The following PDE11A variants were observed in gnomAD, a reference collection of about 807,000 sequenced individuals.
PDE11A encodes phosphodiesterase 11A.
A neutral mutation model predicts 100.5 loss-of-function variants in PDE11A; 100 were observed. The observed-to-expected ratio is 1.00, with a 90% CI of 0.85 to 1.18. PDE11A has a LOEUF of 1.18. PDE11A is among the 50% of genes most tolerant of loss of function. PDE11A has a pLI of 0.00. For synonymous variants in PDE11A, 381 were observed against 420.8 expected (o/e 0.91, Z 1.16); for missense variants, 1,141 against 1,152.6 (o/e 0.99, Z 0.15).
chr2:177,763,685 G>C (rs2082200410), intron 10 of PDE11A, among the ~76,000 whole-genome samples: 1 of 152,192 alleles, frequency 6.6e-6, no homozygotes, highest in African/African-American at 2.4e-5. Context: ...GGCGTTCTCT[G>C]TGTCGCCTGA....
At chr2:177,727,401 C>A (rs1419515650) in intron 12 of PDE11A, among the ~76,000 whole-genome samples, 1 of 152,070 alleles carries the variant, frequency 6.6e-6, no homozygotes, top group Admixed American at 6.6e-5. Context: ...TGTAAAAGAA[C>A]AAGTTTACCA....
At chr2:177,639,721 C>G (rs2080110775) in intron 19 of PDE11A, among the ~76,000 whole-genome samples, 1 of 152,204 alleles carries the variant, frequency 6.6e-6, no homozygotes, top group Non-Finnish European at 1.5e-5. Flanking sequence ...CATCTGTTAT[C>G]ATCTGGCTCA....
intron 4 of PDE11A, among the ~76,000 whole-genome samples, chr2:177,890,711 T>TA (rs1466887342): frequency 1.3e-5 from 2 of 152,170 alleles, no homozygotes; most frequent in Non-Finnish European, 2.9e-5. Context: ...GTTCTCTTGC[T>TA]AAGAGGTTGA....
intron 19 of PDE11A, among the ~76,000 whole-genome samples, chr2:177,649,564 G>A (rs942520067): frequency 6.6e-6 from 1 of 152,250 alleles, no homozygotes; most frequent in South Asian, 2.1e-4. Context: ...AGATACATAT[G>A]CACTTACACA....
At chr2:177,804,872 T>C (rs780134938) in intron 9 of PDE11A, among the ~76,000 whole-genome samples, 8 of 151,858 alleles carry the variant, frequency 5.3e-5, no homozygotes, top group Non-Finnish European at 7.4e-5. Flanking sequence ...AAGTTGGAGC[T>C]AAAGAATGGG....
intron 2 of PDE11A, among the ~76,000 whole-genome samples, chr2:177,989,241 T>C (rs1326403294): frequency 6.6e-6 from 1 of 152,194 alleles, no homozygotes; most frequent in Non-Finnish European, 1.5e-5. Context: ...TCAAGAAAGA[T>C]AAGCAATTCA....
chr2:177,766,375 C>T (rs2082238844), intron 10 of PDE11A, among the ~76,000 whole-genome samples: 2 of 152,172 alleles, frequency 1.3e-5, no homozygotes. Context: ...GGCCTGGTAC[C>T]AGTCCATGGG....
intron 2 of PDE11A, among the ~76,000 whole-genome samples, chr2:177,946,790 G>T (rs1259806173): frequency 6.1e-4 from 57 of 93,502 alleles, no homozygotes; most frequent in South Asian, 1.2e-3. Context: ...GAGGTGGGGG[G>T]GTCAGCCCCC....
Position 178,013,373 on chromosome 2 carries a change from G to A in PDE11A, c.1071+929C>T, listed in dbSNP as rs912794735. On this transcript the variant is annotated intron_variant, in intron 2 of 19. Transcript: ENST00000286063. ...AAAAACCTTTAAGGAGAGTTGGGCC[G>A]TCTCAATTCCACTATAAAAATGACC... Among the ~76,000 whole-genome samples the A allele has an allele frequency of 3.9e-5, 6 of 152,258 alleles. No individual in the cohort carries two copies. The East Asian group carries it at 5.8e-4, about 15-fold the overall frequency.
intron 2 of PDE11A, among the ~76,000 whole-genome samples, chr2:177,945,878 G>C (rs1232814465): frequency 6.9e-6 from 1 of 144,176 alleles, no homozygotes; most frequent in African/African-American, 2.5e-5. Flanking sequence ...AGGGAGGTGG[G>C]GGGGTCAGCC....
intron 2 of PDE11A, among the ~76,000 whole-genome samples, chr2:177,922,472 CA>C (rs1559008021): frequency 6.6e-6 from 1 of 151,876 alleles, no homozygotes; most frequent in African/African-American, 2.4e-5. Context: ...ATAACAACAA[CA>C]AAAAATAATA....
chr2:177,735,401 G>GAA (rs199664720), intron 10 of PDE11A, among the ~76,000 whole-genome samples: 14 of 144,622 alleles, frequency 9.7e-5, no homozygotes, highest in East Asian at 5.8e-4. Context: ...ATGATTCGTG[G>GAA]AAAAAAAAAA....
At chr2:177,929,231 G>A (rs1191442953) in intron 2 of PDE11A, among the ~76,000 whole-genome samples, 1 of 152,246 alleles carries the variant, frequency 6.6e-6, no homozygotes, top group African/African-American at 2.4e-5. Context: ...AGCCCACAGG[G>A]TGTAGGCTCA....
intron 2 of PDE11A, among the ~76,000 whole-genome samples, chr2:178,101,308 T>C (rs145348163): frequency 2.0e-5 from 3 of 152,316 alleles, no homozygotes; most frequent in East Asian, 3.9e-4. Flanking sequence ...AAGAGACCCA[T>C]AGGGTGACAG....
intron 18 of PDE11A, among the ~76,000 whole-genome samples, chr2:177,669,148 C>A (rs1327447950): frequency 6.6e-6 from 1 of 152,126 alleles, no homozygotes; most frequent in Non-Finnish European, 1.5e-5. Context: ...GCTAGAAAGC[C>A]TTCCTTTAAT....
In PDE11A at chr2:178,081,848, C is replaced by T. The variant is rs1163013548; in HGVS notation, c.162+22454G>A. Reference sequence around the variant, plus strand: ...CCACACTTACTGTCAAAGGTTTCCTCACAAAAGGACACCAAGGTTGAAGTC... The same window carrying T: ...CCACACTTACTGTCAAAGGTTTCCTTACAAAAGGACACCAAGGTTGAAGTC... On this transcript the variant is annotated intron_variant, in intron 2 of 20. Coordinates refer to the PDE11A transcript ENST00000358450. 2.0e-5 allele frequency among the ~76,000 whole-genome samples: 3 copies of T among 152,324 alleles called. No individual in the cohort carries two copies. The South Asian group carries it at 6.2e-4, about 32-fold the overall frequency.
In PDE11A at chr2:177,637,254, G is replaced by C. The variant is rs149484530; in HGVS notation, c.2647-7692C>G. 3.4e-4 allele frequency among the ~76,000 whole-genome samples: 51 copies of C among 152,222 alleles called. 1 individual carries two copies. In the East Asian group the frequency reaches 5.6e-3, roughly 17 times the overall value. On this transcript the variant is annotated intron_variant, in intron 19 of 19. Transcript: ENST00000286063. ...GTCCATGGTCATATAATGAGAGATG[G>C]AGCCAGGATGTTTACCTAAGTCTTT...
chr2:177,853,636 A>G (rs1315102855), intron 5 of PDE11A, among the ~76,000 whole-genome samples: 2 of 3,596 alleles, frequency 5.6e-4, no homozygotes, highest in East Asian at 0.012. Context: ...CAAGTCCTGC[A>G]TATATATATA....
In PDE11A at chr2:177,637,114, G is replaced by A. The variant is rs533217055; in HGVS notation, c.2647-7552C>T. On this transcript the variant is annotated intron_variant, in intron 19 of 19. Coordinates refer to ENST00000286063, the MANE Select transcript of PDE11A (RefSeq NM_016953.4). Reference sequence around the variant, plus strand: ...ATGTTCACTGTGCTGGGCTAGGGCCGGGGCCTAAAGGCCATTATCTCATAA... The same window carrying A: ...ATGTTCACTGTGCTGGGCTAGGGCCAGGGCCTAAAGGCCATTATCTCATAA... 3.9e-5 allele frequency among the ~76,000 whole-genome samples: 6 copies of A among 152,312 alleles called. No individual in the cohort carries two copies. The East Asian group carries it at 7.7e-4, about 20-fold the overall frequency.
Sources: gnomAD v4.1 joint callset for allele counts (sites outside exome capture counted in the v4.1 genomes callset) on GRCh38, gnomAD v4.1.1 for gene constraint, MANE v1.5 for transcripts, NCBI Gene and HGNC (gene_info 2026-07-23, HGNC 2026-07-21) for gene names.